Variants in XKR4 observed in about 807,000 individuals in gnomAD.
XKR4 encodes XK related 4.
A neutral mutation model predicts 53.9 loss-of-function variants in XKR4; 12 were observed. The ratio of observed to expected loss-of-function variants is 0.22; its 90% confidence interval spans 0.14 to 0.36. The LOEUF is 0.36. XKR4 is among the 10% of genes least tolerant of loss of function. XKR4 has a pLI of 1.00. For missense variants in XKR4, 799 were observed against 859.5 expected, an observed-to-expected ratio of 0.93 and a Z score of 0.88; for synonymous variants, 354 against 362.4, an observed-to-expected ratio of 0.98 and a Z score of 0.26.
rs538794971 is a variant in XKR4, at chr8:55,125,384, G to A, written c.806+22090G>A. 1.5e-3 allele frequency among the ~76,000 whole-genome samples: 225 copies of A among 152,098 alleles called. 1 individual carries two copies. Among genetic ancestry groups the A allele is most frequent in the South Asian group, 7.3e-3 (35 of 4,810 alleles). On this transcript the variant is annotated intron_variant, in intron 1 of 2. Coordinates refer to ENST00000327381, the MANE Select transcript of XKR4 (RefSeq NM_052898.2). ...CGAGTAGCTGGGATTACAGGCATGC[G>A]TCACCACACCCGGCTAATTTTGTAT...
chr8:55,156,402 G>A (rs925409061), intron 1 of XKR4, among the ~76,000 whole-genome samples: 2 of 141,818 alleles, frequency 1.4e-5, no homozygotes, highest in South Asian at 2.4e-4. Flanking sequence ...CATAGTCACG[G>A]CGTAAGATGG....
At chr8:55,479,432 C>T (rs1806062502) in intron 2 of XKR4, among the ~76,000 whole-genome samples, 2 of 151,490 alleles carry the variant, frequency 1.3e-5, no homozygotes, top group South Asian at 4.2e-4. Flanking sequence ...CACTAAATGC[C>T]CACAACAGAA....
At chr8:55,233,641 A>C (rs2129367222) in intron 1 of XKR4, among the ~76,000 whole-genome samples, 1 of 152,366 alleles carries the variant, frequency 6.6e-6, no homozygotes, top group Non-Finnish European at 1.5e-5. Flanking sequence ...CATATTTGTC[A>C]TGGGGGATGG....
intron 2 of XKR4, among the ~76,000 whole-genome samples, chr8:55,375,791 T>A (rs1804136574): frequency 6.6e-6 from 1 of 151,878 alleles, no homozygotes; most frequent in East Asian, 1.9e-4. Flanking sequence ...CAGGTAGCAA[T>A]GTGTGCCATG....
At position 55,529,912 on chromosome 8, in the gene XKR4, T is replaced by C. The variant is rs1288934522; in HGVS notation, c.*5685T>C. 20 of 152,324 alleles carry C rather than the reference T, an allele frequency of 1.3e-4. No individual in the cohort carries two copies. The East Asian group carries it at 1.4e-3, about 10-fold the overall frequency. The allele number at this position is 152,324 out of a possible 1,614,324, so 9.4% of individuals were successfully genotyped here. A position where few individuals can be genotyped will look rare whatever the true frequency, so the allele number is the denominator to read the frequency against. ...CTCTAACTCATAGTAGGCAGATAAA[T>C]GCTATTCTTCCATTCCAGGCAACTG... On this transcript the variant is annotated 3_prime_UTR_variant, in exon 3 of 3. Transcript: ENST00000327381.
chr8:55,345,024 C>A (rs1803614649), intron 1 of XKR4, among the ~76,000 whole-genome samples: 1 of 152,114 alleles, frequency 6.6e-6, no homozygotes, highest in Non-Finnish European at 1.5e-5. Context: ...CCAAGGTGGG[C>A]AGATCACAGC....
intron 2 of XKR4, among the ~76,000 whole-genome samples, chr8:55,365,433 G>T (rs142953372): frequency 6.6e-6 from 1 of 152,182 alleles, no homozygotes; most frequent in Non-Finnish European, 1.5e-5. Context: ...GGCTGGACGC[G>T]GTGACTCACG....
At chr8:55,472,931 A>G (rs1397080803) in intron 2 of XKR4, among the ~76,000 whole-genome samples, 1 of 152,042 alleles carries the variant, frequency 6.6e-6, no homozygotes, top group Non-Finnish European at 1.5e-5. Context: ...TCTAATTTTT[A>G]TACTTTCCCT....
At chr8:55,421,086 G>C (rs1397511298) in intron 2 of XKR4, among the ~76,000 whole-genome samples, 1 of 152,158 alleles carries the variant, frequency 6.6e-6, no homozygotes, top group African/African-American at 2.4e-5. Context: ...CAAGCTTTTA[G>C]ACAGAATTGA....
chr8:55,214,848 G>A (rs1317876560), intron 1 of XKR4, among the ~76,000 whole-genome samples: 1 of 152,028 alleles, frequency 6.6e-6, no homozygotes, highest in East Asian at 1.9e-4. Flanking sequence ...ACAAAACAAA[G>A]CATCATTTTT....
At chr8:55,246,982 T>C (rs1211483983) in intron 1 of XKR4, among the ~76,000 whole-genome samples, 1 of 152,162 alleles carries the variant, frequency 6.6e-6, no homozygotes, top group Non-Finnish European at 1.5e-5. Flanking sequence ...GATGTCTTAG[T>C]GTCTGGAGAA....
At chr8:55,217,994 C>T (rs1817829399) in intron 1 of XKR4, among the ~76,000 whole-genome samples, 1 of 152,104 alleles carries the variant, frequency 6.6e-6, no homozygotes, top group Admixed American at 6.6e-5. Flanking sequence ...TTCTCTGTGC[C>T]TCTCTCCTTT....
chr8:55,374,849 A>G (rs1804123857), intron 2 of XKR4, among the ~76,000 whole-genome samples: 2 of 152,246 alleles, frequency 1.3e-5, no homozygotes, highest in African/African-American at 4.8e-5. Context: ...TAGACTATAA[A>G]GGAAAGAATA....
chr8:55,360,083 T>C (rs964959935), intron 2 of XKR4, among the ~76,000 whole-genome samples: 5 of 152,088 alleles, frequency 3.3e-5, no homozygotes, highest in African/African-American at 1.2e-4. Context: ...GACAGGTTGA[T>C]CCAAATATCA....
chr8:55,402,795 C>T (rs1019936069), intron 2 of XKR4, among the ~76,000 whole-genome samples: 2 of 152,072 alleles, frequency 1.3e-5, no homozygotes, highest in Non-Finnish European at 2.9e-5. Context: ...CAGACAAGGG[C>T]CACGGGCAGG....
chr8:55,346,274 A>G (rs543419307), intron 1 of XKR4, among the ~76,000 whole-genome samples: 4 of 152,034 alleles, frequency 2.6e-5, no homozygotes, highest in African/African-American at 9.6e-5. Flanking sequence ...TTTAGTAGAG[A>G]CTGGCTTCAC....
intron 1 of XKR4, among the ~76,000 whole-genome samples, chr8:55,286,372 G>A (rs867217108): frequency 3.9e-5 from 6 of 152,310 alleles, no homozygotes; most frequent in South Asian, 4.1e-4. Context: ...GTTGGACACC[G>A]CAGGGTCCGT....
chr8:55,301,880 A>G (rs1315392864), intron 1 of XKR4, among the ~76,000 whole-genome samples: 3 of 152,294 alleles, frequency 2.0e-5, no homozygotes, highest in Middle Eastern at 3.4e-3. Flanking sequence ...AGTTCATCGT[A>G]GATTCTGGAT....
At chr8:55,229,602 T>C (rs1818003583) in intron 1 of XKR4, among the ~76,000 whole-genome samples, 1 of 152,258 alleles carries the variant, frequency 6.6e-6, no homozygotes, top group Non-Finnish European at 1.5e-5. Context: ...TAAAAACTTC[T>C]GATTCCTCCT....
Sources: gnomAD v4.1 joint callset for allele counts (sites outside exome capture counted in the v4.1 genomes callset) on GRCh38, gnomAD v4.1.1 for gene constraint, MANE v1.5 for transcripts, NCBI Gene and HGNC (gene_info 2026-07-23, HGNC 2026-07-21) for gene names.